The following PDXK variants were observed in gnomAD, a reference collection of about 807,000 sequenced individuals.
The protein encoded by PDXK is pyridoxal kinase.
PDXK carries 15 observed loss-of-function variants against 43.2 expected under a neutral mutation model. The observed-to-expected ratio is 0.35, with a 90% CI of 0.23 to 0.53. The LOEUF is 0.53. PDXK is among the 20% of genes least tolerant of loss of function. The pLI is 0.92. For synonymous variants in PDXK, 172 were observed against 165.4 expected (o/e 1.04, Z -0.31); for missense variants, 343 against 417.0 (o/e 0.82, Z 1.54).
intron 1 of PDXK, among the ~76,000 whole-genome samples, chr21:43,722,625 C>T (rs2083215807): frequency 6.6e-6 from 1 of 151,840 alleles, no homozygotes; most frequent in African/African-American, 2.4e-5. Flanking sequence ...GGCCATGCTC[C>T]CTCCATACAA....
intron 6 of PDXK, 51 bp from the exon 7 acceptor site, chr21:43,750,449 G>C: frequency 6.6e-7 from 1 of 1,525,678 alleles, no homozygotes; most frequent in Non-Finnish European, 9.0e-7. Context: ...ACACAACCCG[G>C]AGAGGAGAGG....
chr21:43,723,337 G>GT lies in PDXK; in HGVS notation c.87+3959dup, dbSNP rs543934865. On this transcript the variant is annotated intron_variant, in intron 1 of 10. Coordinates refer to ENST00000291565, the MANE Select transcript of PDXK (RefSeq NM_003681.5). The surrounding 1 kb of genome is among the most constrained non-coding windows in gnomAD (Gnocchi z 4.1). Reference sequence around the variant, plus strand: ...ACCTGACTAATTTTTCTGTATTTCTGTTTAGTAGAGATGGGGTTTCACTAT... The same window carrying GT: ...ACCTGACTAATTTTTCTGTATTTCTGTTTTAGTAGAGATGGGGTTTCACTAT... Among the ~76,000 whole-genome samples, 108 of 151,542 alleles carry GT rather than the reference G, an allele frequency of 7.1e-4. 1 individual carries two copies. Among genetic ancestry groups the GT allele is most frequent in the African/African-American group, 2.5e-3 (103 of 41,294 alleles).
chr21:43,750,460 C>CA (rs1294372634), intron 6 of PDXK, 40 bp from the exon 7 acceptor site: 2 of 1,570,332 alleles, frequency 1.3e-6, no homozygotes, highest in Admixed American at 1.7e-5. Flanking sequence ...AGAGGAGAGG[C>CA]TCACCTGTCC....
chr21:43,756,460 C>T lies in PDXK; in HGVS notation c.*397C>T. The T allele has an allele frequency of 5.8e-6, 1 of 172,430 alleles. No homozygotes were observed. The highest frequency in any genetic ancestry group is 1.2e-5 in the Non-Finnish European group (1 of 80,326). The allele number at this position is 172,430 out of a possible 1,614,324, so 10.7% of individuals were successfully genotyped here. ...GTCGCGCTGGGCTGGGCCTGGGTGG[C>T]CTCTGTCTTTGCATCTCTGAGAAGG... On this transcript the variant is annotated 3_prime_UTR_variant, in exon 11 of 11. Transcript: ENST00000291565.
At position 43,732,130 on chromosome 21, in the gene PDXK, T is replaced by G; in HGVS notation, c.88-1939T>G. Reference sequence around the variant, plus strand: ...GAGCACTGCTGACAGAAGCCCATTCTCTTCGCAGGCTTCAGTTTCACATTC... The same window carrying G: ...GAGCACTGCTGACAGAAGCCCATTCGCTTCGCAGGCTTCAGTTTCACATTC... On this transcript the variant is annotated intron_variant, in intron 1 of 10. Transcript: ENST00000291565. This position sits in a 1 kb window ranked among gnomAD's most constrained non-coding sequence, Gnocchi z 4.1. 1 of 1,348,310 alleles carries G rather than the reference T, an allele frequency of 7.4e-7. No individual in the cohort carries two copies. Among genetic ancestry groups the G allele is most frequent in the Non-Finnish European group, 9.5e-7 (1 of 1,049,966 alleles). The allele number at this position is 1,348,310 out of a possible 1,614,324, so 83.5% of individuals were successfully genotyped here. A position where few individuals can be genotyped will look rare whatever the true frequency, so the allele number is the denominator to read the frequency against.
At position 43,756,035 on chromosome 21, in the gene PDXK, A is replaced by C. The variant is rs1336841388; in HGVS notation, c.911A>C (p.Glu304Ala). The change falls in exon 11 of 11, where the codon GAG becomes GCG. Residue 304 changes from glutamate to alanine, a missense_variant. Transcript: ENST00000291565. ...VQSKRDIEDPEIVVQATVL is the reference protein window; with the variant it reads ...VQSKRDIEDPAIVVQATVL ...AGCAAAAGGGACATCGAGGACCCAG[A>C]GATCGTCGTCCAGGCCACGGTGCTG... 6.2e-7 allele frequency: 1 copy of C among 1,611,964 alleles called. No homozygotes were observed. Among genetic ancestry groups the C allele is most frequent in the African/African-American group, 1.3e-5 (1 of 75,034 alleles).
At chr21:43,753,281 C>A (rs2083787173) in intron 8 of PDXK, among the ~76,000 whole-genome samples, 4 of 152,250 alleles carry the variant, frequency 2.6e-5, no homozygotes, top group Admixed American at 2.0e-4. Context: ...CACATGCACA[C>A]ACACTCGGAT....
At chr21:43,725,287 C>T (rs1017029693) in intron 1 of PDXK, among the ~76,000 whole-genome samples, 1 of 152,064 alleles carries the variant, frequency 6.6e-6, no homozygotes, top group Non-Finnish European at 1.5e-5. Flanking sequence ...CGCGCCACTG[C>T]ACTCCAGCAC....
Position 43,754,435 on chromosome 21 carries a change from C to T in PDXK, c.759+716C>T, listed in dbSNP as rs557792888. 5.3e-5 allele frequency among the ~76,000 whole-genome samples: 8 copies of T among 152,274 alleles called. No homozygotes were observed. The highest frequency in any genetic ancestry group is 1.9e-4 in the African/African-American group (8 of 41,548). On this transcript the variant is annotated intron_variant, in intron 9 of 10. Transcript: ENST00000291565. This position sits in a 1 kb window ranked among gnomAD's most constrained non-coding sequence, Gnocchi z 5.5. Reference sequence around the variant, plus strand: ...TTGTTGCAACTGTGGCGCTCAGATCCGTGACCTCCCGTGCTGCATGCAGCA... The same window carrying T: ...TTGTTGCAACTGTGGCGCTCAGATCTGTGACCTCCCGTGCTGCATGCAGCA...
rs1467742881 is a variant in PDXK at position 43,760,628 on chromosome 21, G to A, written c.*4565G>A. ...AGGATGGACGTGAGCCATCCTTCTAGGGGACTTTTTTCAGTGTGCGACTCG... is the reference window on the plus strand; with the variant it reads ...AGGATGGACGTGAGCCATCCTTCTAAGGGACTTTTTTCAGTGTGCGACTCG... On this transcript the variant is annotated 3_prime_UTR_variant, in exon 11 of 11. Transcript: ENST00000291565. The A allele has an allele frequency of 1.3e-5, 2 of 152,260 alleles. No individual in the cohort carries two copies. 9.4% of individuals were successfully genotyped at this position (152,260 alleles called of 1,614,324 possible). A position where few individuals can be genotyped will look rare whatever the true frequency, so the allele number is the denominator to read the frequency against.
intron 1 of PDXK, among the ~76,000 whole-genome samples, chr21:43,722,287 C>T (rs897045596): frequency 6.6e-6 from 1 of 152,158 alleles, no homozygotes; most frequent in African/African-American, 2.4e-5. Context: ...CTCTTTGGAG[C>T]CCCAGGTGTG....
In PDXK at chr21:43,732,524, C is replaced by T. The variant is rs1164888783; in HGVS notation, c.88-1545C>T. 7 of 1,265,284 alleles carry T rather than the reference C, an allele frequency of 5.5e-6. No individual in the cohort carries two copies. The highest frequency in any genetic ancestry group is 1.8e-4 in the Middle Eastern group (1 of 5,434). The allele number at this position is 1,265,284 out of a possible 1,614,324, so 78.4% of individuals were successfully genotyped here. The stretch of plus-strand genomic sequence containing the variant: ...AAGCAGAAAATAGCGACTTCATTCT[C>T]GGATACGTTTGCCAGCCCCAAAGGA... On this transcript the variant is annotated intron_variant, in intron 1 of 10. Coordinates refer to ENST00000291565, the MANE Select transcript of PDXK (RefSeq NM_003681.5). This position sits in a 1 kb window ranked among gnomAD's most constrained non-coding sequence, Gnocchi z 4.1.
At position 43,737,530 on chromosome 21, in the gene PDXK, G is replaced by A. The variant is rs908298216; in HGVS notation, c.142+3407G>A. Reference sequence around the variant, plus strand: ...CGGAGCTGGAGGTCAGCGGGTGGACGGGTTGCGCTGTCCTGGCTTTCGGAG... The same window carrying A: ...CGGAGCTGGAGGTCAGCGGGTGGACAGGTTGCGCTGTCCTGGCTTTCGGAG... On this transcript the variant is annotated intron_variant, in intron 2 of 10. Transcript: ENST00000291565. The surrounding 1 kb of genome is among the most constrained non-coding windows in gnomAD (Gnocchi z 4.8). The A allele has an allele frequency of 8.8e-6, 9 of 1,023,788 alleles. No individual in the cohort carries two copies. The highest frequency in any genetic ancestry group is 4.9e-4 in the Middle Eastern group (1 of 2,046). The allele number at this position is 1,023,788 out of a possible 1,614,324, so 63.4% of individuals were successfully genotyped here.
At position 43,750,733 on chromosome 21, in the gene PDXK, A is replaced by ATG. The variant is rs3042235; in HGVS notation, c.510+203_510+204dup. 0.39 allele frequency among the ~76,000 whole-genome samples: 57,985 copies of ATG among 150,258 alleles called. 11,420 individuals carry two copies. The highest frequency in any genetic ancestry group is 0.49 in the African/African-American group (19,893 of 40,744). On this transcript the variant is annotated intron_variant, in intron 7 of 10. Coordinates refer to ENST00000291565, the MANE Select transcript of PDXK (RefSeq NM_003681.5). Reference sequence around the variant, plus strand: ...TGTACATGTGTGGACATGTTTGTGCATGTGTGTGTGTGTGTGCATGTGTGC... The same window carrying ATG: ...TGTACATGTGTGGACATGTTTGTGCATGTGTGTGTGTGTGTGTGCATGTGTGC...
chr21:43,719,208 G>A lies in PDXK; in HGVS notation c.-87G>A. ...GCAGCCGAGGGGAGCCGGGGCCGGA[G>A]CCCGAGCCCGAGCCGAGCCGGAGCC... On this transcript the variant is annotated 5_prime_UTR_variant, in exon 1 of 11. Transcript: ENST00000291565. 1 of 676,284 alleles carries A rather than the reference G, an allele frequency of 1.5e-6. No individual in the cohort carries two copies. Among genetic ancestry groups the A allele is most frequent in the Non-Finnish European group, 2.1e-6 (1 of 485,814 alleles). The allele number at this position is 676,284 out of a possible 1,614,324, so 41.9% of individuals were successfully genotyped here. A position where few individuals can be genotyped will look rare whatever the true frequency, so the allele number is the denominator to read the frequency against.
rs1274583867 is a variant in PDXK at position 43,734,104 on chromosome 21, C to G, written c.123C>G (p.Val41=). 2 of 1,614,158 alleles carry G rather than the reference C, an allele frequency of 1.2e-6. No individual in the cohort carries two copies. Among genetic ancestry groups the G allele is most frequent in the Non-Finnish European group, 1.7e-6 (2 of 1,179,996 alleles). The change falls in exon 2 of 11, where the codon GTC becomes GTG. Residue 41 remains valine (V), a synonymous_variant. Transcript: ENST00000291565. The surrounding 1 kb of genome is among the most constrained non-coding windows in gnomAD (Gnocchi z 5.0). The part of the protein sequence containing the change: ...LGFEIDAVNS[V]QFSNHTGYAH... ...TTGAGATTGACGCGGTGAACTCTGT[C>G]CAGTTTTCAAACCACACAGGTAAGG...
At chr21:43,750,858 ATGTGCGTC>A (rs1026099477) in intron 7 of PDXK, among the ~76,000 whole-genome samples, 1 of 148,690 alleles carries the variant, frequency 6.7e-6, no homozygotes, top group African/African-American at 2.5e-5. Flanking sequence ...GCACATGTGC[ATGTGCGTC>A]TGTGTGCATG....
At position 43,732,196 on chromosome 21, in the gene PDXK, TAC is replaced by T; in HGVS notation, c.88-1871_88-1870del. On this transcript the variant is annotated intron_variant, in intron 1 of 10. Coordinates refer to ENST00000291565, the MANE Select transcript of PDXK (RefSeq NM_003681.5). The surrounding 1 kb of genome is among the most constrained non-coding windows in gnomAD (Gnocchi z 4.1). ...GGTGCCTGGGAGGGAGCCACTGCTGTACAGAGATGCCAATTCCAGAGGCATGG... is the reference window on the plus strand; with the variant it reads ...GGTGCCTGGGAGGGAGCCACTGCTGTAGAGATGCCAATTCCAGAGGCATGG... 1 of 1,434,822 alleles carries T rather than the reference TAC, an allele frequency of 7.0e-7. No individual in the cohort carries two copies. The highest frequency in any genetic ancestry group is 1.5e-5 in the South Asian group (1 of 66,524). 88.9% of individuals were successfully genotyped at this position (1,434,822 alleles called of 1,614,324 possible).
In PDXK at chr21:43,756,676, C is replaced by T. The variant is rs1303253538; in HGVS notation, c.*613C>T. On this transcript the variant is annotated 3_prime_UTR_variant, in exon 11 of 11. Transcript: ENST00000291565. ...GGGTTGATGTGAGCTTGCTTGGAGA[C>T]ACACGGTGCAGCATCAGGGACCTTC... 1 of 152,616 alleles carries T rather than the reference C, an allele frequency of 6.6e-6. No homozygotes were observed. The highest frequency in any genetic ancestry group is 1.9e-4 in the East Asian group (1 of 5,202). The allele number at this position is 152,616 out of a possible 1,614,324, so 9.5% of individuals were successfully genotyped here.
Sources: gnomAD v4.1 joint callset for allele counts (sites outside exome capture counted in the v4.1 genomes callset) on GRCh38, gnomAD v4.1.1 for gene constraint, Gnocchi (gnomAD v3.1) non-coding constraint, MANE v1.5 for transcripts, NCBI Gene and HGNC (gene_info 2026-07-23, HGNC 2026-07-21) for gene names.